The following BOLL variants were observed in gnomAD, a reference collection of about 807,000 sequenced individuals.
BOLL encodes protein boule-like.
A neutral mutation model predicts 44.4 loss-of-function variants in BOLL; 23 were observed. That is an observed-to-expected ratio of 0.52 (90% CI 0.37 to 0.73). BOLL has a LOEUF of 0.73. Among genes scored for constraint, BOLL ranks in the 30% least tolerant of loss-of-function variants. BOLL has a pLI of 0.00. For missense variants in BOLL, 287 were observed against 338.3 expected, an observed-to-expected ratio of 0.85 and a Z score of 1.19; for synonymous variants, 97 against 110.8, an observed-to-expected ratio of 0.88 and a Z score of 0.78.
chr2:197,728,191 T>C lies in BOLL; in HGVS notation c.*364A>G. 1 of 363,766 alleles carries C rather than the reference T, an allele frequency of 2.7e-6. No homozygotes were observed. The highest frequency in any genetic ancestry group is 4.9e-6 in the Non-Finnish European group (1 of 204,548). The allele number at this position is 363,766 out of a possible 1,614,324, so 22.5% of individuals were successfully genotyped here. A position where few individuals can be genotyped will look rare whatever the true frequency, so the allele number is the denominator to read the frequency against. ...ATATCAAATAATATGAAACATAACA[T>C]CTAATTGTTTGATAAGAAAAAATAA... is the stretch of plus-strand genomic sequence containing the variant. On this transcript the variant is annotated 3_prime_UTR_variant, in exon 11 of 11. Coordinates refer to ENST00000392296, the MANE Select transcript of BOLL (RefSeq NM_033030.6).
chr2:197,746,266 C>T (rs375948479), intron 9 of BOLL, among the ~76,000 whole-genome samples: 1 of 152,144 alleles, frequency 6.6e-6, no homozygotes, highest in Non-Finnish European at 1.5e-5. Flanking sequence ...AGAATACTAT[C>T]ATGTGATCTA....
At chr2:197,731,266 A>C (rs1003776262) in intron 10 of BOLL, among the ~76,000 whole-genome samples, 6 of 151,390 alleles carry the variant, frequency 4.0e-5, no homozygotes, top group African/African-American at 1.5e-4. Flanking sequence ...AGAGCTAACT[A>C]TCCTAAATAT....
intron 9 of BOLL, among the ~76,000 whole-genome samples, chr2:197,752,518 CAG>C (rs1221135561): frequency 6.6e-6 from 1 of 151,966 alleles, no homozygotes; most frequent in African/African-American, 2.4e-5. Context: ...CAATAATAGA[CAG>C]AGAATCAAAT....
intron 2 of BOLL, among the ~76,000 whole-genome samples, chr2:197,780,887 A>G (rs2106393100): frequency 6.6e-6 from 1 of 152,218 alleles, no homozygotes; most frequent in African/African-American, 2.4e-5. Context: ...TATTCCACTT[A>G]AAATATCTAT....
At chr2:197,737,331 G>GGT (rs1687539281) in intron 10 of BOLL, among the ~76,000 whole-genome samples, 2 of 151,618 alleles carry the variant, frequency 1.3e-5, no homozygotes, top group South Asian at 4.2e-4. Flanking sequence ...AATTAGAATT[G>GGT]GTGTCATGAA....
intron 10 of BOLL, among the ~76,000 whole-genome samples, chr2:197,737,270 T>C (rs1687536466): frequency 1.3e-5 from 2 of 152,108 alleles, no homozygotes; most frequent in Non-Finnish European, 2.9e-5. Context: ...AGAATCCATA[T>C]AATACATACT....
chr2:197,765,220 T>C (rs1258657451), intron 7 of BOLL, among the ~76,000 whole-genome samples: 1 of 151,928 alleles, frequency 6.6e-6, no homozygotes, highest in East Asian at 1.9e-4. Context: ...AGACTACAAA[T>C]TGTGTTCACT....
intron 9 of BOLL, among the ~76,000 whole-genome samples, chr2:197,744,028 C>T (rs1009198476): frequency 1.1e-4 from 16 of 152,312 alleles, no homozygotes; most frequent in African/African-American, 3.6e-4. Flanking sequence ...CCAGGATGGT[C>T]TTGATCTCCT....
chr2:197,762,578 AAACAAGATATCAAT>A (rs1688810238), intron 7 of BOLL, among the ~76,000 whole-genome samples: 1 of 152,238 alleles, frequency 6.6e-6, no homozygotes, highest in Non-Finnish European at 1.5e-5. Context: ...CAATGGAATA[AAACAAGATATCAAT>A]AACAAGAAAA....
At chr2:197,763,966 A>G (rs545247398) in intron 7 of BOLL, among the ~76,000 whole-genome samples, 8 of 152,370 alleles carry the variant, frequency 5.3e-5, no homozygotes, top group Admixed American at 5.2e-4. Flanking sequence ...TTATCAGGAA[A>G]CTGTAAATCA....
rs751758762 is a variant in BOLL, at chr2:197,778,985, C to T, written c.211G>A (p.Val71Ile). The part of the protein sequence containing the change: ...EVKIVNDRAG[V>I]SKGYGFVTFE... ...TATAGTGATACTAACCCTTTGGATA[C>T]TCCAGCTCTGTCATTTACAATCTTC... The change falls in exon 3 of 11, where the codon GTA becomes ATA. Residue 71 changes from valine to isoleucine, a missense_variant. Val to Ile is a conservative substitution (Grantham distance 29, BLOSUM62 3). Transcript: ENST00000392296. 2.5e-6 allele frequency: 4 copies of T among 1,610,192 alleles called. No homozygotes were observed. Among genetic ancestry groups the T allele is most frequent in the Non-Finnish European group, 2.5e-6 (3 of 1,177,554 alleles).
At chr2:197,753,957 T>TA (rs777993569) in intron 9 of BOLL, among the ~76,000 whole-genome samples, 58 of 152,116 alleles carry the variant, frequency 3.8e-4, no homozygotes, top group Non-Finnish European at 7.6e-4. Flanking sequence ...TATGCAGCCA[T>TA]AAAAAAGAAT....
intron 5 of BOLL, among the ~76,000 whole-genome samples, chr2:197,775,011 T>G (rs952259356): frequency 6.6e-6 from 1 of 151,906 alleles, no homozygotes; most frequent in Middle Eastern, 3.2e-3. Context: ...GTTATAAATT[T>G]TACATCACAT....
intron 4 of BOLL, among the ~76,000 whole-genome samples, chr2:197,775,987 C>T (rs1186500703): frequency 1.3e-5 from 2 of 151,802 alleles, no homozygotes; most frequent in Non-Finnish European, 2.9e-5. Context: ...TGTGAATTTG[C>T]CTACTTGCTA....
chr2:197,762,528 T>A (rs1688806486), intron 7 of BOLL, among the ~76,000 whole-genome samples: 1 of 151,488 alleles, frequency 6.6e-6, no homozygotes, highest in South Asian at 2.1e-4. Context: ...CTCAAAAAAT[T>A]AAAAAAAACT....
intron 7 of BOLL, among the ~76,000 whole-genome samples, chr2:197,762,832 A>T (rs1392488467): frequency 6.6e-6 from 1 of 152,208 alleles, no homozygotes; most frequent in Non-Finnish European, 1.5e-5. Flanking sequence ...TAGAAGAGCA[A>T]GAACAAGCTA....
At chr2:197,735,401 G>C (rs1335001981) in intron 10 of BOLL, among the ~76,000 whole-genome samples, 4 of 151,700 alleles carry the variant, frequency 2.6e-5, no homozygotes, top group Non-Finnish European at 4.4e-5. Context: ...TTGACTTCTG[G>C]GATTAATCTA....
intron 9 of BOLL, among the ~76,000 whole-genome samples, chr2:197,747,231 T>C (rs1165702708): frequency 6.6e-6 from 1 of 152,060 alleles, no homozygotes; most frequent in East Asian, 1.9e-4. Context: ...GTATACCATT[T>C]GTCGTTAGTT....
intron 7 of BOLL, among the ~76,000 whole-genome samples, chr2:197,761,085 C>T (rs1303468434): frequency 2.0e-5 from 3 of 152,042 alleles, no homozygotes; most frequent in Admixed American, 6.5e-5. Context: ...CTTTGGGAGA[C>T]TAAGGCAGGA....
Sources: allele counts gnomAD v4.1 joint callset (sites outside exome capture counted in the v4.1 genomes callset), GRCh38; gene constraint gnomAD v4.1.1; transcripts MANE v1.5; gene names NCBI Gene and HGNC (gene_info 2026-07-23, HGNC 2026-07-21).